CDK7: variants seen among roughly 807,000 people sequenced by gnomAD.
The protein encoded by CDK7 is cyclin-dependent kinase 7.
A neutral mutation model predicts 49.1 loss-of-function variants in CDK7; 25 were observed. The observed-to-expected ratio is 0.51, with a 90% CI of 0.37 to 0.71. CDK7 has a LOEUF of 0.71. Among genes scored for constraint, CDK7 ranks in the 30% least tolerant of loss-of-function variants. CDK7 has a pLI of 0.00. For synonymous variants in CDK7, 107 were observed against 140.0 expected (o/e 0.76, Z 1.67); for missense variants, 316 against 411.7 (o/e 0.77, Z 2.01).
At chr5:69,240,389 A>G (rs1347524883) in intron 2 of CDK7, among the ~76,000 whole-genome samples, 1 of 152,148 alleles carries the variant, frequency 6.6e-6, no homozygotes, top group African/African-American at 2.4e-5. Flanking sequence ...TCAAAATGGC[A>G]TGGTTATGTA....
rs541496272 is a variant in CDK7, at chr5:69,242,007, CT to C, written c.126+6555del. Among the ~76,000 whole-genome samples the C allele has an allele frequency of 3.3e-4, 51 of 152,248 alleles. No homozygotes were observed. In the South Asian group the frequency reaches 9.9e-3, roughly 30 times the overall value. ...TCCAATGTTCTGGAGAGGTTTTCCACTGTTTTCTTTTAGTAGTTTCATAGTT... is the reference window on the plus strand; with the variant it reads ...TCCAATGTTCTGGAGAGGTTTTCCACGTTTTCTTTTAGTAGTTTCATAGTT... On this transcript the variant is annotated intron_variant, in intron 2 of 11. Coordinates refer to ENST00000256443, the MANE Select transcript of CDK7 (RefSeq NM_001799.4).
intron 8 of CDK7, 52 bp from the exon 9 acceptor site, chr5:69,269,155 A>T (rs949073533): frequency 4.9e-6 from 6 of 1,224,630 alleles, no homozygotes; most frequent in Middle Eastern, 2.0e-4. Context: ...AAAAGAAAAA[A>T]ATTAAAAAAA....
At chr5:69,275,907 G>A (rs1341762744) in intron 10 of CDK7, among the ~76,000 whole-genome samples, 3 of 152,122 alleles carry the variant, frequency 2.0e-5, no homozygotes, top group Non-Finnish European at 4.4e-5. Flanking sequence ...CCCAAGGTAC[G>A]TCATGTATAT....
At chr5:69,277,062 TA>T (rs1451170830) in intron 11 of CDK7, 44 bp from the exon 12 acceptor site, 1 of 1,536,902 alleles carries the variant, frequency 6.5e-7, no homozygotes, top group East Asian at 2.3e-5. Context: ...TGAACTTTGT[TA>T]AATGTGAACA....
intron 2 of CDK7, among the ~76,000 whole-genome samples, chr5:69,248,305 G>A (rs1190874292): frequency 6.6e-6 from 1 of 152,160 alleles, no homozygotes; most frequent in African/African-American, 2.4e-5. Context: ...TCTGCTGCCA[G>A]ATATATTGGG....
At chr5:69,275,663 A>T (rs951211540) in intron 10 of CDK7, among the ~76,000 whole-genome samples, 2 of 152,220 alleles carry the variant, frequency 1.3e-5, no homozygotes, top group Non-Finnish European at 2.9e-5. Flanking sequence ...AATTTTGTCA[A>T]ATTAAAAATA....
chr5:69,257,931 T>C (rs2291520), intron 5 of CDK7, 112 bp from the exon 6 acceptor site: 385,789 of 670,220 alleles, frequency 0.58, 112,475 homozygotes, highest in African/African-American at 0.72. Context: ...GATAACCTCT[T>C]TTGAGAGTCT....
chr5:69,246,543 C>CAAG lies in CDK7; in HGVS notation c.127-5873_127-5872insGAA, dbSNP rs960325912. Reference sequence around the variant, plus strand: ...ATGTGTCCAATTTTGATGGTCTTTTCAAAACACCAACTTGTTATTTTGTTG... The same window carrying CAAG: ...ATGTGTCCAATTTTGATGGTCTTTTCAAGAAAACACCAACTTGTTATTTTGTTG... On this transcript the variant is annotated intron_variant, in intron 2 of 11. Coordinates refer to ENST00000256443, the MANE Select transcript of CDK7 (RefSeq NM_001799.4). 2.0e-5 allele frequency among the ~76,000 whole-genome samples: 3 copies of CAAG among 152,198 alleles called. No homozygotes were observed. The South Asian group carries it at 6.2e-4, about 32-fold the overall frequency.
At chr5:69,248,786 T>C (rs1749923148) in intron 2 of CDK7, among the ~76,000 whole-genome samples, 1 of 133,798 alleles carries the variant, frequency 7.5e-6, no homozygotes, top group African/African-American at 3.1e-5. Flanking sequence ...TATAACCTTC[T>C]TTTCTTTTTT....
intron 5 of CDK7, among the ~76,000 whole-genome samples, chr5:69,257,551 A>C (rs1406614764): frequency 8.5e-5 from 13 of 152,284 alleles, no homozygotes; most frequent in Non-Finnish European, 1.5e-5. Flanking sequence ...TGAGGAACGA[A>C]AGTGCTTTCT....
chr5:69,258,032 T>A lies in CDK7; in HGVS notation c.298-11T>A, dbSNP rs142266769. Reference sequence around the variant, plus strand: ...TAAAGGGTACCTGTATATTGTATACTTGCTTTACAGGTTATAATAAAGGAT... The same window carrying A: ...TAAAGGGTACCTGTATATTGTATACATGCTTTACAGGTTATAATAAAGGAT... On this transcript the variant is annotated splice_polypyrimidine_tract_variant and intron_variant, in intron 5 of 11. Transcript: ENST00000256443. 5.6e-5 allele frequency: 74 copies of A among 1,328,438 alleles called. No individual in the cohort carries two copies. The African/African-American group carries it at 9.9e-4, about 18-fold the overall frequency. 82.3% of individuals were successfully genotyped at this position (1,328,438 alleles called of 1,614,324 possible).
At chr5:69,240,821 G>C (rs1191089263) in intron 2 of CDK7, among the ~76,000 whole-genome samples, 1 of 152,128 alleles carries the variant, frequency 6.6e-6, no homozygotes, top group Non-Finnish European at 1.5e-5. Flanking sequence ...TAGAGACGGG[G>C]TTTCCATGTT....
At chr5:69,267,221 A>G (rs1751214190) in intron 8 of CDK7, among the ~76,000 whole-genome samples, 1 of 149,548 alleles carries the variant, frequency 6.7e-6, no homozygotes, top group South Asian at 2.1e-4. Flanking sequence ...CCCACACTAG[A>G]TATTTTTGCC....
chr5:69,267,441 G>A (rs1751238946), intron 8 of CDK7, among the ~76,000 whole-genome samples: 1 of 151,596 alleles, frequency 6.6e-6, no homozygotes, highest in African/African-American at 2.4e-5. Context: ...TGGGATTACA[G>A]CCGTGCACCA....
chr5:69,261,207 G>T (rs1750788117), intron 7 of CDK7, among the ~76,000 whole-genome samples: 1 of 152,088 alleles, frequency 6.6e-6, no homozygotes, highest in South Asian at 2.1e-4. Context: ...AAGAAGTAGG[G>T]GATGTGAGTA....
intron 2 of CDK7, among the ~76,000 whole-genome samples, chr5:69,246,926 G>T (rs193007025): frequency 2.0e-5 from 3 of 152,100 alleles, no homozygotes; most frequent in African/African-American, 7.2e-5. Context: ...TCTTGTTATT[G>T]ATTTCTGGTT....
intron 2 of CDK7, among the ~76,000 whole-genome samples, chr5:69,246,296 C>T (rs1397183620): frequency 1.3e-5 from 2 of 152,094 alleles, no homozygotes; most frequent in African/African-American, 2.4e-5. Flanking sequence ...GCCACCACGC[C>T]TGGCCGATGT....
Position 69,254,665 on chromosome 5 carries a change from T to G in CDK7, c.224T>G (p.Ile75Ser). 6.6e-7 allele frequency: 1 copy of G among 1,504,584 alleles called. No individual in the cohort carries two copies. Among genetic ancestry groups the G allele is most frequent in the Non-Finnish European group, 9.3e-7 (1 of 1,080,322 alleles). 93.2% of individuals were successfully genotyped at this position (1,504,584 alleles called of 1,614,324 possible). Reference protein sequence around the residue: ...LLQELSHPNIIGLLDAFGHKS... With the variant: ...LLQELSHPNISGLLDAFGHKS... Reference sequence around the variant, plus strand: ...CAGGAGCTAAGTCATCCAAATATAATTGGTGTGAGTATGATCAAAACTGTT... The same window carrying G: ...CAGGAGCTAAGTCATCCAAATATAAGTGGTGTGAGTATGATCAAAACTGTT... The change falls in exon 4 of 12, where the codon ATT (isoleucine) becomes AGT (serine). Residue 75 changes from isoleucine (I) to serine (S), a missense_variant. Transcript: ENST00000256443.
At chr5:69,245,801 T>C (rs1406846352) in intron 2 of CDK7, among the ~76,000 whole-genome samples, 2 of 152,226 alleles carry the variant, frequency 1.3e-5, no homozygotes, top group Admixed American at 1.3e-4. Flanking sequence ...TCTAGGAATG[T>C]ATCTGTTTCT....
Sources: allele counts gnomAD v4.1 joint callset (sites outside exome capture counted in the v4.1 genomes callset), GRCh38; gene constraint gnomAD v4.1.1; transcripts MANE v1.5; gene names NCBI Gene and HGNC (gene_info 2026-07-23, HGNC 2026-07-21).